Variants in MAML3 observed in about 807,000 individuals in gnomAD.
MAML3 encodes mastermind like transcriptional coactivator 3.
A neutral mutation model predicts 101.9 loss-of-function variants in MAML3; 27 were observed. The ratio of observed to expected loss-of-function variants is 0.27; its 90% confidence interval spans 0.20 to 0.37. MAML3 has a LOEUF of 0.37. MAML3 is among the 10% of genes least tolerant of loss of function. MAML3 has a pLI of 1.00. For missense variants in MAML3, 1,316 were observed against 1,444.9 expected (o/e 0.91, Z 1.45); for synonymous variants, 501 against 555.9 (o/e 0.90, Z 1.39).
chr4:139,852,985 A>T (rs761209660), intron 2 of MAML3, among the ~76,000 whole-genome samples: 7 of 152,204 alleles, frequency 4.6e-5, no homozygotes, highest in Non-Finnish European at 1.0e-4. Flanking sequence ...GAAGTAATGT[A>T]TGTGAAAGTG....
chr4:140,086,677 T>C (rs1727957211), intron 1 of MAML3, among the ~76,000 whole-genome samples: 1 of 151,992 alleles, frequency 6.6e-6, no homozygotes, highest in Non-Finnish European at 1.5e-5. Context: ...AACCTAAATG[T>C]AAACTGAACC....
Position 139,987,897 on chromosome 4 carries a change from C to T in MAML3, c.469-96930G>A, listed in dbSNP as rs868035826. On this transcript the variant is annotated intron_variant, in intron 1 of 4. Transcript: ENST00000509479. ...ATTAGCCAGGCATGGTGGCGGGCAC[C>T]TGTAATCCCAGCTACTTGGGAGGCT... Among the ~76,000 whole-genome samples, 27 of 151,278 alleles carry T rather than the reference C, an allele frequency of 1.8e-4. 1 individual carries two copies. The highest frequency in any genetic ancestry group is 8.4e-4 in the South Asian group (4 of 4,772).
At chr4:139,994,730 A>G (rs1270363592) in intron 1 of MAML3, among the ~76,000 whole-genome samples, 3 of 151,772 alleles carry the variant, frequency 2.0e-5, no homozygotes, top group Non-Finnish European at 4.4e-5. Flanking sequence ...GTATCTTGCA[A>G]TTTTGTTTAA....
intron 2 of MAML3, among the ~76,000 whole-genome samples, chr4:139,840,863 A>G: frequency 6.6e-6 from 1 of 152,214 alleles, no homozygotes; most frequent in East Asian, 1.9e-4. Context: ...TGCCGTGTGC[A>G]TTGTCCTGCA....
At position 140,105,909 on chromosome 4, in the gene MAML3, G is replaced by A. The variant is rs940033467; in HGVS notation, c.468+46951C>T. On this transcript the variant is annotated intron_variant, in intron 1 of 4. Transcript: ENST00000509479. Reference sequence around the variant, plus strand: ...TTAAAAAAATTATAGCTGAATGCGAGGTGGCTATAGCTTTCCAAATTCAAA... The same window carrying A: ...TTAAAAAAATTATAGCTGAATGCGAAGTGGCTATAGCTTTCCAAATTCAAA... Among the ~76,000 whole-genome samples, 10 of 152,146 alleles carry A rather than the reference G, an allele frequency of 6.6e-5. No individual in the cohort carries two copies. The South Asian group carries it at 2.1e-3, about 32-fold the overall frequency.
rs560484524 is a variant in MAML3 at position 139,731,011 on chromosome 4, C to T, written c.2080-344G>A. 79 of 288,374 alleles carry T rather than the reference C, an allele frequency of 2.7e-4. 1 individual carries two copies. Among genetic ancestry groups the T allele is most frequent in the Admixed American group, 1.6e-3 (34 of 21,934 alleles). The allele number at this position is 288,374 out of a possible 1,614,324, so 17.9% of individuals were successfully genotyped here. A position where few individuals can be genotyped will look rare whatever the true frequency, so the allele number is the denominator to read the frequency against. The stretch of plus-strand genomic sequence containing the variant: ...GGAATAAGCCCTCAGGCTGAGCTCA[C>T]CTAAAGTCTGGAACACGAGACACAT... On this transcript the variant is annotated intron_variant, in intron 2 of 4. Transcript: ENST00000509479.
chr4:139,759,774 T>A (rs1473932989), intron 2 of MAML3, among the ~76,000 whole-genome samples: 9 of 152,132 alleles, frequency 5.9e-5, no homozygotes, highest in African/African-American at 2.2e-4. Flanking sequence ...ACTGTTAATA[T>A]CGAGAATGAA....
intron 1 of MAML3, among the ~76,000 whole-genome samples, chr4:140,115,111 A>G (rs908863649): frequency 6.6e-6 from 1 of 152,178 alleles, no homozygotes; most frequent in Non-Finnish European, 1.5e-5. Context: ...ATGCTGCTGA[A>G]GTTTTATTAA....
At chr4:139,948,877 G>C (rs944643535) in intron 1 of MAML3, among the ~76,000 whole-genome samples, 2 of 152,178 alleles carry the variant, frequency 1.3e-5, no homozygotes, top group South Asian at 4.1e-4. Flanking sequence ...GGTAAGAGAG[G>C]TAATACACTA....
rs887947135 is a variant in MAML3 at position 140,006,202 on chromosome 4, C to T, written c.469-115235G>A. Reference sequence around the variant, plus strand: ...ATATGCTTCTGTCTTGTTCCTAATTCGAGGGGGCCAATAGGAAGAAAGGGA... The same window carrying T: ...ATATGCTTCTGTCTTGTTCCTAATTTGAGGGGGCCAATAGGAAGAAAGGGA... On this transcript the variant is annotated intron_variant, in intron 1 of 4. Transcript: ENST00000509479. 3.3e-5 allele frequency among the ~76,000 whole-genome samples: 5 copies of T among 151,818 alleles called. No individual in the cohort carries two copies. The South Asian group carries it at 8.3e-4, about 25-fold the overall frequency.
intron 2 of MAML3, among the ~76,000 whole-genome samples, chr4:139,762,790 G>C (rs1313476729): frequency 1.3e-5 from 2 of 152,156 alleles, no homozygotes; most frequent in African/African-American, 4.8e-5. Flanking sequence ...GTTCTCTGTA[G>C]ACCTCGTTGA....
chr4:140,153,024 G>T lies in MAML3; in HGVS notation c.304C>A (p.Gln102Lys). The change falls in exon 1 of 5, where the codon CAG (glutamine) becomes AAG (lysine). Residue 102 changes from glutamine (Q) to lysine (K), a missense_variant. By Grantham distance (53) the Gln-to-Lys change is moderately conservative. Coordinates refer to ENST00000509479, the MANE Select transcript of MAML3 (RefSeq NM_018717.5). ...ENRYQQAQVE[Q>K]LELERRDTVS... Reference sequence around the variant, plus strand: ...GTGTCCCGGCGCTCCAGCTCCAGCTGCTCCACCTGAGCCTGCTGGTACCTG... The same window carrying T: ...GTGTCCCGGCGCTCCAGCTCCAGCTTCTCCACCTGAGCCTGCTGGTACCTG... 1 of 1,599,136 alleles carries T rather than the reference G, an allele frequency of 6.3e-7. No homozygotes were observed. The highest frequency in any genetic ancestry group is 8.5e-7 in the Non-Finnish European group (1 of 1,172,926).
intron 1 of MAML3, among the ~76,000 whole-genome samples, chr4:140,056,134 G>C (rs1351641239): frequency 2.0e-5 from 3 of 152,144 alleles, no homozygotes; most frequent in Non-Finnish European, 2.9e-5. Context: ...AAAGCACTGG[G>C]GCGCCAGCTC....
intron 1 of MAML3, among the ~76,000 whole-genome samples, chr4:140,114,679 A>G (rs1728488645): frequency 6.6e-6 from 1 of 152,218 alleles, no homozygotes; most frequent in Non-Finnish European, 1.5e-5. Flanking sequence ...GCCAGAATGT[A>G]ATAAATTGCC....
chr4:139,831,325 CT>C (rs143358208), intron 2 of MAML3, among the ~76,000 whole-genome samples: 1 of 152,034 alleles, frequency 6.6e-6, no homozygotes, highest in Non-Finnish European at 1.5e-5. Context: ...ACCCTTGGAT[CT>C]TTTTTGGGAA....
chr4:139,806,262 GT>G (rs972624849), intron 2 of MAML3, among the ~76,000 whole-genome samples: 1 of 152,014 alleles, frequency 6.6e-6, no homozygotes, highest in Non-Finnish European at 1.5e-5. Flanking sequence ...TAATATGTAA[GT>G]TTTTTAGAAA....
At chr4:140,035,720 T>G (rs181959276) in intron 1 of MAML3, among the ~76,000 whole-genome samples, 6 of 151,240 alleles carry the variant, frequency 4.0e-5, no homozygotes, top group African/African-American at 1.5e-4. Flanking sequence ...GAGGTGGAGG[T>G]TGCAGTGAGC....
intron 1 of MAML3, among the ~76,000 whole-genome samples, chr4:139,956,630 A>G (rs2110767353): frequency 6.6e-6 from 1 of 152,364 alleles, no homozygotes; most frequent in Non-Finnish European, 1.5e-5. Flanking sequence ...AGGAAGGAAC[A>G]GAGAGATTGG....
Position 139,733,666 on chromosome 4 carries a change from G to A in MAML3, c.2080-2999C>T, listed in dbSNP as rs1250438051. On this transcript the variant is annotated intron_variant, in intron 2 of 4. Coordinates refer to ENST00000509479, the MANE Select transcript of MAML3 (RefSeq NM_018717.5). ...GCTTCTCACTGAAGACCTACAGGCA[G>A]GAAGGGCTGTATGTATTATTTTATG... is the stretch of plus-strand genomic sequence containing the variant. Among the ~76,000 whole-genome samples, 3 of 151,988 alleles carry A rather than the reference G, an allele frequency of 2.0e-5. No homozygotes were observed. In the East Asian group the frequency reaches 5.8e-4, roughly 29 times the overall value.
Sources: allele counts gnomAD v4.1 joint callset (sites outside exome capture counted in the v4.1 genomes callset), GRCh38; gene constraint gnomAD v4.1.1; transcripts MANE v1.5; gene names NCBI Gene and HGNC (gene_info 2026-07-23, HGNC 2026-07-21).